Variants in SYT14 observed in about 807,000 individuals in gnomAD.
The protein encoded by SYT14 is synaptotagmin 14.
A neutral mutation model predicts 74.2 loss-of-function variants in SYT14; 32 were observed. The ratio of observed to expected loss-of-function variants is 0.43; its 90% CI spans 0.33 to 0.58. The LOEUF (loss-of-function observed/expected upper bound fraction) is 0.58, where lower values mean the gene tolerates loss of function less well. Among genes scored for constraint, SYT14 ranks in the 20% least tolerant of loss-of-function variants. SYT14 has a pLI of 0.05. For synonymous variants in SYT14, 298 were observed against 337.7 expected (o/e 0.88, Z 1.29); for missense variants, 791 against 981.8 (o/e 0.81, Z 2.60).
chr1:210,066,030 T>A (rs1490720964), intron 5 of SYT14, among the ~76,000 whole-genome samples: 1 of 151,936 alleles, frequency 6.6e-6, no homozygotes, highest in Admixed American at 6.6e-5. Context: ...TCCAGCTTCA[T>A]CCATGTCCCT....
At chr1:210,105,685 G>A (rs1199569606) in intron 7 of SYT14, among the ~76,000 whole-genome samples, 1 of 152,282 alleles carries the variant, frequency 6.6e-6, no homozygotes, top group South Asian at 2.1e-4. Context: ...TGAACATGTC[G>A]AAATGTAATC....
At chr1:210,073,829 A>G (rs1232893712) in intron 5 of SYT14, among the ~76,000 whole-genome samples, 1 of 152,148 alleles carries the variant, frequency 6.6e-6, no homozygotes, top group East Asian at 1.9e-4. Flanking sequence ...AACAGGCCTT[A>G]AGCTGAATCT....
At chr1:210,157,760 AAAT>A (rs2083296796) in intron 8 of SYT14, among the ~76,000 whole-genome samples, 2 of 151,516 alleles carry the variant, frequency 1.3e-5, no homozygotes, top group African/African-American at 4.8e-5. Flanking sequence ...AAATAAAAAT[AAAT>A]AATAATATTT....
chr1:210,007,675 C>G (rs529450511), intron 2 of SYT14, among the ~76,000 whole-genome samples: 2 of 151,990 alleles, frequency 1.3e-5, no homozygotes, highest in East Asian at 3.9e-4. Context: ...AGCTATGTTA[C>G]TTTGGTCATA....
intron 5 of SYT14, among the ~76,000 whole-genome samples, chr1:210,071,258 C>T (rs1046862769): frequency 1.4e-5 from 1 of 69,000 alleles, no homozygotes; most frequent in African/African-American, 3.9e-5. Context: ...AAAGAGCTTT[C>T]CTTTAGTAAG....
intron 5 of SYT14, among the ~76,000 whole-genome samples, chr1:210,032,893 C>CTA (rs5780553): frequency 0.92 from 139,367 of 151,748 alleles, 64,195 homozygotes; most frequent in East Asian, 1. Context: ...TAAGTATTCT[C>CTA]AATTTGTTCA....
chr1:210,115,763 G>C (rs900593167), intron 7 of SYT14, among the ~76,000 whole-genome samples: 1 of 151,282 alleles, frequency 6.6e-6, no homozygotes, highest in Non-Finnish European at 1.5e-5. Flanking sequence ...GTCGTAGGTG[G>C]ATCTTTCTCA....
At chr1:210,158,698 A>G (rs760498966) in intron 8 of SYT14, among the ~76,000 whole-genome samples, 1 of 152,192 alleles carries the variant, frequency 6.6e-6, no homozygotes, top group African/African-American at 2.4e-5. Context: ...TTTTACCATT[A>G]GATAGATCTT....
chr1:210,003,354 A>G (rs2079935015), intron 2 of SYT14, among the ~76,000 whole-genome samples: 1 of 152,006 alleles, frequency 6.6e-6, no homozygotes, highest in Admixed American at 6.6e-5. Context: ...TTTAGTTTTC[A>G]TTCTGTGCCT....
At chr1:210,116,426 C>A (rs2082362663) in intron 7 of SYT14, among the ~76,000 whole-genome samples, 1 of 152,198 alleles carries the variant, frequency 6.6e-6, no homozygotes, top group Non-Finnish European at 1.5e-5. Context: ...GCAACCTCCA[C>A]TTCCCAGGTT....
chr1:210,161,045 A>T (rs746964148), exon 10 of SYT14: 6 of 1,613,306 alleles, frequency 3.7e-6, no homozygotes, highest in Admixed American at 3.3e-5. Flanking sequence ...AGTCATGATG[A>T]ATAGAATAAG....
intron 1 of SYT14, among the ~76,000 whole-genome samples, chr1:209,941,872 A>G (rs559312580): frequency 7.9e-5 from 12 of 152,350 alleles, no homozygotes; most frequent in South Asian, 2.1e-4. Context: ...TTTATATCAT[A>G]TGGCATAATA....
exon 5 of SYT14, chr1:210,021,063 A>G: frequency 6.2e-7 from 1 of 1,613,950 alleles, no homozygotes; most frequent in Non-Finnish European, 8.5e-7. Flanking sequence ...GACAAAGATG[A>G]GCATGGTTCA....
intron 2 of SYT14, among the ~76,000 whole-genome samples, chr1:209,965,635 A>G (rs974839096): frequency 6.6e-6 from 1 of 152,166 alleles, no homozygotes; most frequent in African/African-American, 2.4e-5. Context: ...AAATCTCCAG[A>G]CTGCTTTCCA....
chr1:209,950,649 G>A (rs576082477), intron 1 of SYT14, among the ~76,000 whole-genome samples: 1 of 152,280 alleles, frequency 6.6e-6, no homozygotes, highest in African/African-American at 2.4e-5. Context: ...TCAGAATGAA[G>A]ATCTAACCTA....
intron 7 of SYT14, among the ~76,000 whole-genome samples, chr1:210,104,361 A>G (rs537990194): frequency 2.6e-5 from 4 of 152,330 alleles, no homozygotes; most frequent in South Asian, 4.1e-4. Context: ...ATAAATTACT[A>G]TTCCACTTTA....
chr1:210,036,897 T>C (rs2080676731), intron 5 of SYT14, among the ~76,000 whole-genome samples: 1 of 152,050 alleles, frequency 6.6e-6, no homozygotes. Context: ...GTTTTCTTTT[T>C]TCATTATGTC....
intron 2 of SYT14, among the ~76,000 whole-genome samples, chr1:209,979,355 A>G (rs1327848237): frequency 6.6e-6 from 1 of 152,072 alleles, no homozygotes; most frequent in Non-Finnish European, 1.5e-5. Context: ...TCCACCTGAT[A>G]GATCTTTCTT....
chr1:209,964,996 G>A (rs1172842008), intron 2 of SYT14, among the ~76,000 whole-genome samples: 1 of 152,182 alleles, frequency 6.6e-6, no homozygotes, highest in East Asian at 1.9e-4. Flanking sequence ...TCTAAGGATA[G>A]CAGTCTCAGG....
Sources: gnomAD v4.1 joint callset for allele counts (sites outside exome capture counted in the v4.1 genomes callset) on GRCh38, gnomAD v4.1.1 for gene constraint, MANE v1.5 for transcripts, NCBI Gene and HGNC (gene_info 2026-07-23, HGNC 2026-07-21) for gene names.